The following KDM4B variants were observed in gnomAD, a reference collection of about 807,000 sequenced individuals.
KDM4B encodes the protein lysine-specific demethylase 4B.
Under a neutral mutation model 125.2 loss-of-function variants are expected in KDM4B, and 32 were observed. The ratio of observed to expected loss-of-function variants is 0.26; its 90% CI spans 0.19 to 0.34. KDM4B has a LOEUF of 0.34. Among genes scored for constraint, KDM4B ranks in the 10% least tolerant of loss-of-function variants. KDM4B has a pLI of 1.00. For missense variants in KDM4B, 1,190 were observed against 1,577.7 expected (o/e 0.75, Z 4.16); for synonymous variants, 721 against 677.9 (o/e 1.06, Z -0.99).
At chr19:5,091,476 C>T (rs887406084) in intron 9 of KDM4B, among the ~76,000 whole-genome samples, 48 of 152,204 alleles carry the variant, frequency 3.2e-4, no homozygotes, top group African/African-American at 1.0e-3. Context: ...TCCCCAGAGG[C>T]GCCATTCCAG....
rs58219404 is a variant in KDM4B, at chr19:5,035,880, T to TGTGTGTGTGTGTGC, written c.141+2850_141+2851insTGTGTGTGTGTGCG. On this transcript the variant is annotated intron_variant, in intron 3 of 22. Transcript: ENST00000159111. This position sits in a 1 kb window ranked among gnomAD's most constrained non-coding sequence, Gnocchi z 5.3. ...ACGTGTCTCTGTGTGTGTGTGTGTG[T>TGTGTGTGTGTGTGC]GCGCGCGCGCGCGCGCCTGCGCGCA... is the stretch of plus-strand genomic sequence containing the variant. Among the ~76,000 whole-genome samples the TGTGTGTGTGTGTGC allele has an allele frequency of 0.03, 4,072 of 136,352 alleles. 65 individuals are homozygous for TGTGTGTGTGTGTGC. Among genetic ancestry groups the TGTGTGTGTGTGTGC allele is most frequent in the Non-Finnish European group, 0.04 (2,466 of 62,276 alleles). 89.5% of individuals were successfully genotyped at this position (136,352 alleles called of 152,430 possible). A position where few individuals can be genotyped will look rare whatever the true frequency, so the allele number is the denominator to read the frequency against.
At chr19:5,008,234 A>G (rs2035620781) in intron 1 of KDM4B, among the ~76,000 whole-genome samples, 1 of 152,232 alleles carries the variant, frequency 6.6e-6, no homozygotes, top group African/African-American at 2.4e-5. Context: ...GTGTGTGAAT[A>G]TCCAGCTGTC....
intron 8 of KDM4B, chr19:5,077,837 C>G: frequency 4.0e-6 from 1 of 247,082 alleles, no homozygotes; most frequent in Non-Finnish European, 7.9e-6. Context: ...CCCCTCGTCC[C>G]GTGCAAGGTG....
intron 1 of KDM4B, among the ~76,000 whole-genome samples, chr19:4,985,349 G>A (rs1431963475): frequency 1.3e-5 from 2 of 152,158 alleles, no homozygotes; most frequent in East Asian, 1.9e-4. Flanking sequence ...AGCAATGACA[G>A]TGAAGTGGAA....
rs916912925 is a variant in KDM4B, at chr19:5,152,112, G to A, written c.*601G>A. 3.9e-5 allele frequency: 5 copies of A among 128,978 alleles called. No homozygotes were observed. The highest frequency in any genetic ancestry group is 4.6e-4 in the South Asian group (2 of 4,388). The allele number at this position is 128,978 out of a possible 1,614,324, so 8.0% of individuals were successfully genotyped here. A position where few individuals can be genotyped will look rare whatever the true frequency, so the allele number is the denominator to read the frequency against. ...CCGGTAATTGGAGGGTGAGCCTCGGGGGGGGGGCAGGACGCCCCGGTTTCG... is the reference window on the plus strand; with the variant it reads ...CCGGTAATTGGAGGGTGAGCCTCGGAGGGGGGGCAGGACGCCCCGGTTTCG... On this transcript the variant is annotated 3_prime_UTR_variant, in exon 23 of 23. Coordinates refer to ENST00000159111, the MANE Select transcript of KDM4B (RefSeq NM_015015.3).
chr19:5,020,867 C>G (rs1341773599), intron 2 of KDM4B, among the ~76,000 whole-genome samples: 1 of 152,178 alleles, frequency 6.6e-6, no homozygotes, highest in Non-Finnish European at 1.5e-5. Context: ...CCCTGACTGG[C>G]CGGGTGTGGT....
intron 1 of KDM4B, among the ~76,000 whole-genome samples, chr19:4,980,854 G>A (rs890790138): frequency 1.3e-5 from 2 of 149,874 alleles, no homozygotes; most frequent in Non-Finnish European, 2.9e-5. Context: ...TCCCCAGTCT[G>A]TGGCAGAGCT....
intron 2 of KDM4B, among the ~76,000 whole-genome samples, chr19:5,017,287 TCACG>T: frequency 6.6e-6 from 1 of 152,190 alleles, no homozygotes; most frequent in Non-Finnish European, 1.5e-5. Flanking sequence ...GAGGCTCTGG[TCACG>T]TGGTTGGCAA....
chr19:5,025,646 GC>G (rs954215214), intron 2 of KDM4B, among the ~76,000 whole-genome samples: 1 of 152,172 alleles, frequency 6.6e-6, no homozygotes, highest in African/African-American at 2.4e-5. Context: ...CCTCGATCCT[GC>G]CGCCTCCTCT....
intron 6 of KDM4B, among the ~76,000 whole-genome samples, chr19:5,057,073 CGCGCGT>C (rs2037433116): frequency 6.3e-5 from 9 of 143,514 alleles, no homozygotes; most frequent in African/African-American, 2.6e-4. Flanking sequence ...TGTGCGCGCG[CGCGCGT>C]ATGTTAGCAA....
intron 9 of KDM4B, among the ~76,000 whole-genome samples, chr19:5,095,678 G>A (rs1438116590): frequency 6.6e-6 from 1 of 152,204 alleles, no homozygotes; most frequent in Non-Finnish European, 1.5e-5. Context: ...GAGAGGGCTG[G>A]GAGCAGCCAG....
chr19:5,049,349 C>T (rs1158942612), intron 6 of KDM4B, among the ~76,000 whole-genome samples: 1 of 152,080 alleles, frequency 6.6e-6, no homozygotes, highest in Non-Finnish European at 1.5e-5. Context: ...CCATGTCTAC[C>T]CTTCCCCATG....
At chr19:5,068,853 C>T (rs1036833970) in intron 6 of KDM4B, among the ~76,000 whole-genome samples, 1 of 152,240 alleles carries the variant, frequency 6.6e-6, no homozygotes, top group African/African-American at 2.4e-5. Context: ...TTTTAACATT[C>T]GCCAGATTCA....
chr19:5,124,276 A>G (rs2039412420), intron 11 of KDM4B, among the ~76,000 whole-genome samples: 1 of 151,186 alleles, frequency 6.6e-6, no homozygotes, highest in South Asian at 2.1e-4. Flanking sequence ...ATAAGAGGAC[A>G]CGCATCCTCC....
chr19:5,126,239 G>A (rs2039447129), intron 11 of KDM4B, among the ~76,000 whole-genome samples: 1 of 152,146 alleles, frequency 6.6e-6, no homozygotes, highest in South Asian at 2.1e-4. Flanking sequence ...GCTTCCCAGT[G>A]GCTGCTGGTG....
At chr19:5,004,443 C>CTT (rs1482673176) in intron 1 of KDM4B, among the ~76,000 whole-genome samples, 2 of 152,176 alleles carry the variant, frequency 1.3e-5, no homozygotes, top group Non-Finnish European at 2.9e-5. Context: ...CGGGCTCATA[C>CTT]ACCTCTACCC....
At chr19:5,147,057 G>A (rs1043624057) in intron 21 of KDM4B, among the ~76,000 whole-genome samples, 3 of 151,926 alleles carry the variant, frequency 2.0e-5, no homozygotes, top group Non-Finnish European at 4.4e-5. Context: ...CCTGCCCCGG[G>A]AGCCTCAGAG....
At chr19:5,033,619 G>T (rs937224249) in intron 3 of KDM4B, among the ~76,000 whole-genome samples, 1 of 152,162 alleles carries the variant, frequency 6.6e-6, no homozygotes, top group Admixed American at 6.5e-5. Flanking sequence ...ATCTTTTTGA[G>T]ATGGCAGAGT....
intron 1 of KDM4B, among the ~76,000 whole-genome samples, chr19:4,983,436 T>A (rs1388138648): frequency 6.6e-6 from 1 of 152,148 alleles, no homozygotes; most frequent in Admixed American, 6.5e-5. Flanking sequence ...CTGCGACAGG[T>A]GCGGCTGAAG....
Sources: allele counts gnomAD v4.1 joint callset (sites outside exome capture counted in the v4.1 genomes callset), GRCh38; gene constraint gnomAD v4.1.1; non-coding constraint Gnocchi (gnomAD v3.1); transcripts MANE v1.5; gene names NCBI Gene and HGNC (gene_info 2026-07-23, HGNC 2026-07-21).